The following SAMSN1 variants were observed in gnomAD, a reference collection of about 807,000 sequenced individuals.
SAMSN1 encodes SAM domain, SH3 domain and nuclear localization signals 1, also known as SAM domain-containing protein SAMSN-1.
Under a neutral mutation model 42.0 loss-of-function variants are expected in SAMSN1, and 31 were observed. That is an observed-to-expected ratio of 0.74 (90% CI 0.55 to 1.00). The LOEUF (loss-of-function observed/expected upper bound fraction) is 1.00. Ranked by LOEUF, SAMSN1 falls within the 50% of genes least tolerant of loss-of-function variation. The probability of loss-of-function intolerance (pLI) is 0.00; values close to 1 mark genes in which losing one functional copy is unlikely to be tolerated. For synonymous variants in SAMSN1, 178 were observed against 151.9 expected (o/e 1.17, Z -1.26); for missense variants, 464 against 439.4 (o/e 1.06, Z -0.50).
chr21:14,626,556 G>A (rs1287568272), intron 2 of SAMSN1, among the ~76,000 whole-genome samples: 2 of 152,210 alleles, frequency 1.3e-5, no homozygotes, highest in East Asian at 1.9e-4. Flanking sequence ...TCAGAGAAAT[G>A]CAAATCAAAA....
intron 7 of SAMSN1, among the ~76,000 whole-genome samples, chr21:14,490,012 A>G (rs1278869774): frequency 6.6e-6 from 1 of 152,192 alleles, no homozygotes; most frequent in Non-Finnish European, 1.5e-5. Context: ...AAGAAGAGAA[A>G]TCTGCCCCAC....
chr21:14,604,724 G>A (rs772171608), intron 5 of SAMSN1, among the ~76,000 whole-genome samples: 5 of 152,190 alleles, frequency 3.3e-5, no homozygotes, highest in African/African-American at 4.8e-5. Flanking sequence ...ACATGAAAAG[G>A]CCACATACAT....
intron 1 of SAMSN1, among the ~76,000 whole-genome samples, chr21:14,645,644 C>T (rs548720227): frequency 1.3e-5 from 2 of 152,316 alleles, no homozygotes; most frequent in South Asian, 4.1e-4. Flanking sequence ...TCCAGAAAAA[C>T]AGGACCTCAC....
chr21:14,514,276 G>T (rs1057088074), intron 3 of SAMSN1, among the ~76,000 whole-genome samples: 1 of 152,020 alleles, frequency 6.6e-6, no homozygotes, highest in Non-Finnish European at 1.5e-5. Context: ...TTTCTCTTTA[G>T]CCTTCCTAGC....
intron 2 of SAMSN1, among the ~76,000 whole-genome samples, chr21:14,577,278 A>ATT (rs1310441620): frequency 6.3e-5 from 3 of 47,592 alleles, no homozygotes; most frequent in African/African-American, 4.1e-4. Flanking sequence ...ATATATATAT[A>ATT]TATATATTTT....
intron 2 of SAMSN1, among the ~76,000 whole-genome samples, chr21:14,557,568 C>G (rs533544635): frequency 4.6e-4 from 70 of 152,302 alleles, no homozygotes; most frequent in African/African-American, 1.6e-3. Context: ...GTCACATGCT[C>G]TAATGATATT....
In SAMSN1 at chr21:14,572,607, T is replaced by A. The variant is rs146707855; in HGVS notation, c.261+9529A>T. On this transcript the variant is annotated intron_variant, in intron 2 of 8. Transcript: ENST00000285670. ...CTTCATGCACCTCAATTTCTCTATC[T>A]GTAAAATGGCAGTAATGCTTTGCCT... Among the ~76,000 whole-genome samples, 247 of 152,344 alleles carry A rather than the reference T, an allele frequency of 1.6e-3. 1 individual carries two copies. Among genetic ancestry groups the A allele is most frequent in the African/African-American group, 5.7e-3 (239 of 41,588 alleles).
chr21:14,570,105 GC>G (rs1218559646), intron 2 of SAMSN1, among the ~76,000 whole-genome samples: 4 of 151,944 alleles, frequency 2.6e-5, no homozygotes, highest in Non-Finnish European at 5.9e-5. Flanking sequence ...GAAACTAAGT[GC>G]CCTTTGCGGG....
intron 2 of SAMSN1, among the ~76,000 whole-genome samples, chr21:14,633,176 G>GCT (rs141134431): frequency 0.018 from 2,678 of 147,900 alleles, 32 homozygotes; most frequent in Middle Eastern, 0.028. Flanking sequence ...TCTAGATGTT[G>GCT]CTCTCTCTCT....
At chr21:14,582,026 C>T (rs768859995) in intron 2 of SAMSN1, 74 of 1,110,196 alleles carry the variant, frequency 6.7e-5, no homozygotes, top group Non-Finnish European at 8.7e-5. Flanking sequence ...GCTCTGGTAA[C>T]TTTTCTGAAA....
chr21:14,641,227 G>A (rs1049788350), intron 2 of SAMSN1, among the ~76,000 whole-genome samples: 2 of 152,088 alleles, frequency 1.3e-5, no homozygotes, highest in African/African-American at 2.4e-5. Flanking sequence ...TAAAAAAGGT[G>A]TAAAGGTAAG....
In SAMSN1 at chr21:14,645,000, A is replaced by G. The variant is rs562339721; in HGVS notation, c.25-1867T>C. On this transcript the variant is annotated intron_variant, in intron 1 of 15. Coordinates refer to the SAMSN1 transcript ENST00000647101. The stretch of plus-strand genomic sequence containing the variant: ...TGAGTGCCAGCTCAGCTGTAATACA[A>G]TAACACCAGGTAGACTTCTAATGTT... Among the ~76,000 whole-genome samples the G allele has an allele frequency of 2.6e-5, 4 of 152,292 alleles. No homozygotes were observed. In the East Asian group the frequency reaches 7.7e-4, roughly 29 times the overall value.
chr21:14,531,249 T>C (rs1048390969), intron 1 of SAMSN1, among the ~76,000 whole-genome samples: 2 of 152,126 alleles, frequency 1.3e-5, no homozygotes, highest in Non-Finnish European at 2.9e-5. Context: ...TTTATTCTGG[T>C]TTTTGTAATA....
intron 5 of SAMSN1, among the ~76,000 whole-genome samples, chr21:14,606,668 T>C (rs1008060508): frequency 1.3e-5 from 2 of 152,194 alleles, no homozygotes; most frequent in Non-Finnish European, 2.9e-5. Flanking sequence ...TGCCAATTTT[T>C]TAGTTGTAAA....
At chr21:14,522,076 C>T (rs1381286449) in intron 1 of SAMSN1, among the ~76,000 whole-genome samples, 1 of 152,126 alleles carries the variant, frequency 6.6e-6, no homozygotes, top group Non-Finnish European at 1.5e-5. Flanking sequence ...CCACATTTAA[C>T]ATAGAATTAC....
At chr21:14,538,268 T>A (rs1161081501) in intron 1 of SAMSN1, among the ~76,000 whole-genome samples, 1 of 152,224 alleles carries the variant, frequency 6.6e-6, no homozygotes, top group East Asian at 1.9e-4. Flanking sequence ...CAGAAAACTC[T>A]GTTTGAAAAG....
At chr21:14,489,727 C>G (rs1174163851) in intron 7 of SAMSN1, among the ~76,000 whole-genome samples, 1 of 151,944 alleles carries the variant, frequency 6.6e-6, no homozygotes, top group South Asian at 2.1e-4. Context: ...TCATGAAGAG[C>G]TAATTTGCAT....
rs369890594 is a variant in SAMSN1, at chr21:14,498,578, T to C, written c.783A>G (p.Thr261=). 26 of 1,588,024 alleles carry C rather than the reference T, an allele frequency of 1.6e-5. No individual in the cohort carries two copies. The highest frequency in any genetic ancestry group is 2.0e-5 in the Non-Finnish European group (24 of 1,172,584). ...ERIHLQEYTS[T]LLLNGYETLE... is the part of the protein sequence containing the mutation. ...GAGTCTCATAACCATTGAGCAAAAG[T>C]GTTGAGGTGTATTCCTGTAAGACAA... is the stretch of plus-strand genomic sequence containing the variant. Residue 261 remains threonine, a synonymous_variant, in exon 7 of 8, where the codon ACA becomes ACG. Coordinates refer to ENST00000400566, the MANE Select transcript of SAMSN1 (RefSeq NM_022136.5).
At chr21:14,647,143 CAT>C (rs1383147766) in intron 1 of SAMSN1, among the ~76,000 whole-genome samples, 1 of 152,114 alleles carries the variant, frequency 6.6e-6, no homozygotes. Flanking sequence ...AATGAAAAAA[CAT>C]AACCCATCAA....
Sources: allele counts gnomAD v4.1 joint callset (sites outside exome capture counted in the v4.1 genomes callset), GRCh38; gene constraint gnomAD v4.1.1; transcripts MANE v1.5; gene names NCBI Gene and HGNC (gene_info 2026-07-23, HGNC 2026-07-21).